Variants in STS observed in about 807,000 individuals in gnomAD.
STS encodes steroid sulfatase, also known as steryl-sulfatase.
A neutral mutation model predicts 26.8 loss-of-function variants in STS; 7 were observed. The ratio of observed to expected loss-of-function variants is 0.26; its 90% CI spans 0.15 to 0.49. STS has a LOEUF of 0.49. Among genes scored for constraint, STS ranks in the 20% least tolerant of loss-of-function variants. The probability of loss-of-function intolerance (pLI) is 0.98; values close to 1 mark genes in which losing one functional copy is unlikely to be tolerated. For synonymous variants in STS, 199 were observed against 189.4 expected, an observed-to-expected ratio of 1.05 and a Z score of -0.42; for missense variants, 434 against 465.6, an observed-to-expected ratio of 0.93 and a Z score of 0.63.
chrX:7,343,258 A>G (rs889373954), intron 10 of STS, among the ~76,000 whole-genome samples: 16 of 112,335 alleles, frequency 1.4e-4, no homozygotes, highest in African/African-American at 5.2e-4. Context: ...GTGATACATT[A>G]AGAGCCACTG....
At chrX:7,217,418 A>G (rs1921352973) in intron 2 of STS, among the ~76,000 whole-genome samples, 1 of 112,205 alleles carries the variant, frequency 8.9e-6, no homozygotes, top group African/African-American at 3.2e-5. Context: ...TCTAGGCACT[A>G]AAGAGAAGGT....
At chrX:7,263,065 T>A (rs1195016221) in intron 6 of STS, among the ~76,000 whole-genome samples, 2 of 111,689 alleles carry the variant, frequency 1.8e-5, no homozygotes, top group Non-Finnish European at 3.8e-5. Flanking sequence ...CAGCTGTACG[T>A]TTGTATCTTT....
intron 10 of STS, among the ~76,000 whole-genome samples, 156 bp downstream of exon 10, chrX:7,334,263 C>G (rs1027780426): frequency 9.0e-6 from 1 of 111,349 alleles, no homozygotes; most frequent in Admixed American, 9.5e-5. Context: ...TTTCCCTCCT[C>G]CTCCTCTCTT....
chrX:7,189,995 C>A (rs969011891), intron 1 of STS, among the ~76,000 whole-genome samples: 13 of 110,277 alleles, frequency 1.2e-4, no homozygotes, highest in African/African-American at 3.6e-4. Context: ...CAGTCCCCAA[C>A]CTTTTTGGCA....
At chrX:7,235,288 G>C (rs1316216198) in intron 2 of STS, among the ~76,000 whole-genome samples, 1 of 111,554 alleles carries the variant, frequency 9.0e-6, no homozygotes, top group East Asian at 2.8e-4. Flanking sequence ...TCTCATTAGA[G>C]AGGTTAAAAC....
intron 10 of STS, among the ~76,000 whole-genome samples, chrX:7,336,449 A>G (rs1334476077): frequency 8.9e-6 from 1 of 111,945 alleles, no homozygotes; most frequent in Admixed American, 9.5e-5. Flanking sequence ...TCTATTAGCC[A>G]CAGAAATCAC....
intron 1 of STS, among the ~76,000 whole-genome samples, chrX:7,150,534 T>C (rs1216004405): frequency 8.9e-6 from 1 of 112,101 alleles, no homozygotes; most frequent in Non-Finnish European, 1.9e-5. Flanking sequence ...AAAGAGTATT[T>C]TTCAAAGGAA....
chrX:7,152,209 C>A (rs1450103446), intron 1 of STS, among the ~76,000 whole-genome samples: 2 of 111,939 alleles, frequency 1.8e-5, no homozygotes, highest in Non-Finnish European at 1.9e-5. Context: ...CCCTCAGCCT[C>A]CCAAAGTGCT....
intron 10 of STS, among the ~76,000 whole-genome samples, chrX:7,342,527 G>A (rs1205030900): frequency 8.9e-6 from 1 of 112,405 alleles, no homozygotes; most frequent in East Asian, 2.8e-4. Flanking sequence ...AGCTTGTGTT[G>A]CTCTCAAATT....
At chrX:7,193,430 G>T (rs1476286356) in intron 2 of STS, among the ~76,000 whole-genome samples, 1 of 105,130 alleles carries the variant, frequency 9.5e-6, no homozygotes, top group African/African-American at 3.4e-5. Context: ...TGTACATTTT[G>T]CAGGGAAATG....
intron 1 of STS, among the ~76,000 whole-genome samples, chrX:7,150,951 G>C (rs1387292630): frequency 8.9e-6 from 1 of 112,062 alleles, no homozygotes; most frequent in Non-Finnish European, 1.9e-5. Context: ...TTGTACAGTT[G>C]TGTTCTCCCC....
At chrX:7,320,002 TTA>T (rs1332346009) in intron 8 of STS, among the ~76,000 whole-genome samples, 10 of 81,151 alleles carry the variant, frequency 1.2e-4, no homozygotes, top group Non-Finnish European at 2.0e-4. Flanking sequence ...ATATATATTT[TTA>T]TATATATATT....
chrX:7,204,513 C>G (rs1464014341), intron 2 of STS, among the ~76,000 whole-genome samples: 8 of 94,316 alleles, frequency 8.5e-5, no homozygotes, highest in Non-Finnish European at 1.7e-4. Flanking sequence ...CCCTCCTTTC[C>G]TCCCTTCCTC....
intron 2 of STS, among the ~76,000 whole-genome samples, chrX:7,226,849 C>T (rs886821992): frequency 6.3e-5 from 7 of 111,976 alleles, no homozygotes; most frequent in African/African-American, 2.3e-4. Context: ...GAGCTTTGTT[C>T]GTGCTACTGC....
At chrX:7,147,405 T>G (rs1932889574), upstream of STS, among the ~76,000 whole-genome samples, 1 of 110,998 alleles carries the variant, frequency 9.0e-6, no homozygotes, top group African/African-American at 3.3e-5. Context: ...CTGCGGGAAG[T>G]TTAACAGTAT....
chrX:7,215,020 ATAT>A (rs1409460532), intron 2 of STS, among the ~76,000 whole-genome samples: 8 of 72,495 alleles, frequency 1.1e-4, no homozygotes, highest in South Asian at 1.1e-3. Context: ...GTATATATAT[ATAT>A]TATATATGTA....
chrX:7,177,670 A>G (rs1451618364), intron 1 of STS, among the ~76,000 whole-genome samples: 2 of 108,571 alleles, frequency 1.8e-5, no homozygotes, highest in Non-Finnish European at 3.8e-5. Context: ...ATGCCACCAC[A>G]CCCGGCTAAT....
intron 2 of STS, among the ~76,000 whole-genome samples, chrX:7,193,233 G>C (rs758548891): frequency 2.3e-4 from 26 of 112,125 alleles, no homozygotes; most frequent in African/African-American, 7.4e-4. Flanking sequence ...TAAAAGGATT[G>C]TGTGTTCCTT....
At chrX:7,298,475 C>A (rs764359486) in intron 7 of STS, among the ~76,000 whole-genome samples, 117 of 111,367 alleles carry the variant, frequency 1.1e-3, no homozygotes, top group African/African-American at 3.4e-3. Context: ...TTGTATCAAA[C>A]TGGAGATGAT....
Sources: gnomAD v4.1 joint callset for allele counts (sites outside exome capture counted in the v4.1 genomes callset) on GRCh38, gnomAD v4.1.1 for gene constraint, MANE v1.5 for transcripts, NCBI Gene and HGNC (gene_info 2026-07-23, HGNC 2026-07-21) for gene names.